NBPF11: variants seen among roughly 807,000 people sequenced by gnomAD.
NBPF11 encodes NBPF member 11.
NBPF11 carries 72 observed loss-of-function variants against 93.9 expected under a neutral mutation model. The observed-to-expected ratio is 0.77, with a 90% CI of 0.63 to 0.93. The LOEUF (loss-of-function observed/expected upper bound fraction) is 0.93. NBPF11 is among the 40% of genes least tolerant of loss of function. The probability of loss-of-function intolerance (pLI) is 0.00; values close to 1 mark genes in which losing one functional copy is unlikely to be tolerated. For synonymous variants in NBPF11, 224 were observed against 304.9 expected, an observed-to-expected ratio of 0.73 and a Z score of 2.76; for missense variants, 705 against 802.2, an observed-to-expected ratio of 0.88 and a Z score of 1.46.
intron 15 of NBPF11, among the ~76,000 whole-genome samples, chr1:148,112,304 T>A (rs1332825425): frequency 4.7e-5 from 4 of 84,232 alleles, no homozygotes; most frequent in Non-Finnish European, 8.6e-5. Flanking sequence ...CCCTCCTCCC[T>A]CCCCCCACCC....
chr1:148,104,110 G>GAGAGACAGAGACAGAGAC (rs796078454), intron 23 of NBPF11, among the ~76,000 whole-genome samples, 198 bp from the exon 24 acceptor site: 7 of 132,726 alleles, frequency 5.3e-5, no homozygotes, highest in Admixed American at 1.6e-4. Context: ...GACAGAGAGA[G>GAGAGACAGAGACAGAGAC]AGAGACAGAG....
Position 148,103,891 on chromosome 1 carries a change from T to A in NBPF11, c.*5A>T, listed in dbSNP as rs1406326116. On this transcript the variant is annotated 3_prime_UTR_variant, in exon 24 of 24. Coordinates refer to ENST00000682118, the MANE Select transcript of NBPF11 (RefSeq NM_001385469.3). ...CCTGTAAGACTTCAGGCACTTCCAC[T>A]TCCATCAGCACGCTGCTGAGCCTGG... 8 of 1,610,896 alleles carry A rather than the reference T, an allele frequency of 5.0e-6. No individual in the cohort carries two copies. The highest frequency in any genetic ancestry group is 4.0e-5 in the African/African-American group (3 of 74,604).
intron 1 of NBPF11, among the ~76,000 whole-genome samples, chr1:148,147,261 G>A (rs1297487343): frequency 3.9e-5 from 6 of 152,194 alleles, no homozygotes; most frequent in South Asian, 4.1e-4. Context: ...GTCTGTGCAC[G>A]TGTGGCTGGG....
intron 18 of NBPF11, among the ~76,000 whole-genome samples, chr1:148,108,257 G>A (rs1213080379): frequency 6.6e-6 from 1 of 151,600 alleles, no homozygotes; most frequent in Admixed American, 6.6e-5. Context: ...GTAGGATTAG[G>A]GTGCCACAGG....
At chr1:148,140,270 T>C (rs1312976111) in intron 2 of NBPF11, among the ~76,000 whole-genome samples, 1 of 151,906 alleles carries the variant, frequency 6.6e-6, no homozygotes, top group African/African-American at 2.4e-5. Flanking sequence ...TTATATCCTT[T>C]ATAAAATAAA....
At chr1:148,106,833 C>A in intron 20 of NBPF11, 109 bp downstream of exon 20, 2 of 792,806 alleles carry the variant, frequency 2.5e-6, no homozygotes, top group South Asian at 2.7e-5. Context: ...ATAGGTCCTG[C>A]CTGTGGCAAT....
intron 20 of NBPF11, 112 bp from the exon 21 acceptor site, chr1:148,106,344 G>A (rs2149169432): frequency 4.1e-6 from 3 of 730,936 alleles, no homozygotes; most frequent in African/African-American, 1.8e-5. Flanking sequence ...ATGAGAACAG[G>A]ACAATGTGAG....
intron 1 of NBPF11, chr1:148,146,745 G>A (rs1459419146): frequency 1.9e-5 from 31 of 1,612,554 alleles, no homozygotes; most frequent in Admixed American, 3.3e-5. Context: ...TCCTCTTCTC[G>A]CACGGCAATG....
At chr1:148,121,296 G>A (rs1356437667) in intron 9 of NBPF11, among the ~76,000 whole-genome samples, 4 of 151,362 alleles carry the variant, frequency 2.6e-5, no homozygotes, top group South Asian at 4.2e-4. Context: ...CGCCCACCTT[G>A]GCCTCTCAAA....
intron 4 of NBPF11, among the ~76,000 whole-genome samples, chr1:148,130,949 T>C (rs1200876576): frequency 6.6e-6 from 1 of 151,942 alleles, no homozygotes; most frequent in African/African-American, 2.4e-5. Flanking sequence ...ATCTGTAATG[T>C]CTTGTAAATA....
At chr1:148,112,399 C>A (rs1396130689) in intron 15 of NBPF11, among the ~76,000 whole-genome samples, 1 of 136,432 alleles carries the variant, frequency 7.3e-6, no homozygotes, top group Non-Finnish European at 1.5e-5. Flanking sequence ...TAAGAACATG[C>A]GGTATTTGGT....
At chr1:148,146,665 A>C in intron 1 of NBPF11, 2 of 1,611,658 alleles carry the variant, frequency 1.2e-6, no homozygotes, top group East Asian at 2.2e-5. Flanking sequence ...GGTCTTCCCC[A>C]CCAAGAGCGC....
chr1:148,107,975 A>AG (rs1311734904), intron 18 of NBPF11, among the ~76,000 whole-genome samples: 1 of 151,514 alleles, frequency 6.6e-6, no homozygotes, highest in Non-Finnish European at 1.5e-5. Flanking sequence ...CTATTCTGGT[A>AG]GATCGTTATC....
chr1:148,126,395 A>AGATGTTATTTG (rs1669120698), intron 5 of NBPF11, among the ~76,000 whole-genome samples: 1 of 151,226 alleles, frequency 6.6e-6, no homozygotes, highest in African/African-American at 2.4e-5. Context: ...ACTGGGTACT[A>AGATGTTATTTG]TCACCAAGTT....
chr1:148,145,747 T>C (rs1571497314), intron 1 of NBPF11, among the ~76,000 whole-genome samples: 4 of 150,936 alleles, frequency 2.7e-5, no homozygotes, highest in Admixed American at 6.6e-5. Flanking sequence ...AGCATGGTAG[T>C]GGTCTCCTGT....
chr1:148,147,215 G>A (rs1673298469), intron 1 of NBPF11, among the ~76,000 whole-genome samples: 1 of 152,246 alleles, frequency 6.6e-6, no homozygotes, highest in South Asian at 2.1e-4. Flanking sequence ...GGGTGTGGAT[G>A]CCACCTGGCG....
Position 148,102,332 on chromosome 1 carries a change from G to A in NBPF11, c.*1564C>T, listed in dbSNP as rs1662531957. 6.6e-6 allele frequency: 1 copy of A among 151,786 alleles called. No individual in the cohort carries two copies. The highest frequency in any genetic ancestry group is 1.5e-5 in the Non-Finnish European group (1 of 68,034). The allele number at this position is 151,786 out of a possible 1,614,324, so 9.4% of individuals were successfully genotyped here. A position where few individuals can be genotyped will look rare whatever the true frequency, so the allele number is the denominator to read the frequency against. ...TGAATATAATAATAGACACAGGCAG[G>A]GAGGATTAATAAATGATAAAATGTT... On this transcript the variant is annotated 3_prime_UTR_variant, in exon 24 of 24. Coordinates refer to ENST00000682118, the MANE Select transcript of NBPF11 (RefSeq NM_001385469.3).
chr1:148,123,643 C>T (rs1439500391), intron 7 of NBPF11, among the ~76,000 whole-genome samples: 2 of 151,860 alleles, frequency 1.3e-5, no homozygotes, highest in East Asian at 3.9e-4. Flanking sequence ...CACCTTCCAT[C>T]AAGGAAGGAG....
At chr1:148,146,734 G>T in intron 1 of NBPF11, 1 of 1,612,454 alleles carries the variant, frequency 6.2e-7, no homozygotes, top group Admixed American at 1.7e-5. Flanking sequence ...CAGGTACACG[G>T]TCCTCTTCTC....
Sources: gnomAD v4.1 joint callset for allele counts (sites outside exome capture counted in the v4.1 genomes callset) on GRCh38, gnomAD v4.1.1 for gene constraint, MANE v1.5 for transcripts, NCBI Gene and HGNC (gene_info 2026-07-23, HGNC 2026-07-21) for gene names.